WWC2: variants seen among roughly 807,000 people sequenced by gnomAD.
The protein encoded by WWC2 is protein WWC2.
In WWC2, 101 loss-of-function variants were observed where a neutral mutation model predicts 138.5. The ratio of observed to expected loss-of-function variants is 0.73; its 90% CI spans 0.62 to 0.86. WWC2 has a LOEUF of 0.86. WWC2 is among the 40% of genes least tolerant of loss of function. The pLI, the probability that WWC2 is intolerant of heterozygous loss-of-function variation, is 0.00. For synonymous variants in WWC2, 558 were observed against 538.4 expected (o/e 1.04, Z -0.50); for missense variants, 1,420 against 1,419.4 (o/e 1.00, Z -0.01).
At chr4:183,156,207 G>T (rs1200316199) in intron 1 of WWC2, among the ~76,000 whole-genome samples, 1 of 151,968 alleles carries the variant, frequency 6.6e-6, no homozygotes, top group Non-Finnish European at 1.5e-5. Context: ...TGTATTTTTA[G>T]TAGAGATGGG....
chr4:183,254,743 G>A (rs1737085005), intron 9 of WWC2, among the ~76,000 whole-genome samples: 1 of 152,176 alleles, frequency 6.6e-6, no homozygotes, highest in African/African-American at 2.4e-5. Context: ...ACGACCGCAT[G>A]TACATCCTTT....
chr4:183,156,178 A>G (rs1733798779), intron 1 of WWC2, among the ~76,000 whole-genome samples: 1 of 151,520 alleles, frequency 6.6e-6, no homozygotes, highest in Admixed American at 6.6e-5. Context: ...AGGTGCCGCT[A>G]CCACACCTGG....
At chr4:183,234,783 T>C (rs1011804878) in intron 4 of WWC2, among the ~76,000 whole-genome samples, 31 of 152,324 alleles carry the variant, frequency 2.0e-4, no homozygotes, top group African/African-American at 6.5e-4. Flanking sequence ...AAAGCACTTA[T>C]GAACTTAGCT....
intron 1 of WWC2, among the ~76,000 whole-genome samples, chr4:183,148,593 A>G (rs1733540886): frequency 1.3e-5 from 2 of 152,160 alleles, no homozygotes; most frequent in Admixed American, 6.5e-5. Context: ...AAATGACATA[A>G]ATAGGCTCAG....
At chr4:183,259,550 C>A in intron 9 of WWC2, 89 bp from the exon 10 acceptor site, 1 of 1,034,366 alleles carries the variant, frequency 9.7e-7, no homozygotes, top group Non-Finnish European at 1.4e-6. Flanking sequence ...CCCTTGTGAT[C>A]TGTAATGTTT....
rs756078448 is a variant in WWC2 at position 183,245,504 on chromosome 4, G to A, written c.691G>A (p.Ala231Thr). Residue 231 changes from alanine (A) to threonine (T), a missense_variant, in exon 6 of 23, where the codon GCA becomes ACA. Coordinates refer to ENST00000403733, the MANE Select transcript of WWC2 (RefSeq NM_024949.6). ...AACAGAACTAAAATCTATCAGAAAG[G>A]CAATTAGCTCAGGAGAAAAAGAAAA... ...ILTELKSIRK[A>T]ISSGEKEKQD... 6.2e-7 allele frequency: 1 copy of A among 1,606,556 alleles called. No individual in the cohort carries two copies. The highest frequency in any genetic ancestry group is 2.3e-5 in the East Asian group (1 of 44,138).
At position 183,268,429 on chromosome 4, in the gene WWC2, T is replaced by C. The variant is rs1038689740; in HGVS notation, c.2208-542T>C. ...AATTTGGAGATGCTAGACAGTGATA[T>C]TTTTGAACCGTTGTTTCATCTGTTT... On this transcript the variant is annotated intron_variant, in intron 14 of 22. Transcript: ENST00000403733. 2.8e-4 allele frequency among the ~76,000 whole-genome samples: 43 copies of C among 152,240 alleles called. 1 individual carries two copies. The highest frequency in any genetic ancestry group is 1.0e-3 in the African/African-American group (43 of 41,470).
intron 22 of WWC2, among the ~76,000 whole-genome samples, chr4:183,313,172 G>A (rs1739320155): frequency 6.6e-6 from 1 of 152,186 alleles, no homozygotes; most frequent in South Asian, 2.1e-4. Flanking sequence ...AGAAGTCAGT[G>A]CCAAGCTCTG....
rs531069887 is a variant in WWC2 at position 183,239,324 on chromosome 4, C to A, written c.523-859C>A. ...GCAAGACTCTGTCTCAAAAAAAAAA[C>A]AAACAAACAACAGAAAAAAACTTAA... On this transcript the variant is annotated intron_variant, in intron 4 of 22. Coordinates refer to ENST00000403733, the MANE Select transcript of WWC2 (RefSeq NM_024949.6). Among the ~76,000 whole-genome samples the A allele has an allele frequency of 4.3e-3, 657 of 151,470 alleles. 6 individuals carry two copies. The highest frequency in any genetic ancestry group is 0.015 in the African/African-American group (606 of 41,358).
At position 183,253,937 on chromosome 4, in the gene WWC2, G is replaced by A. The variant is rs780920587; in HGVS notation, c.1134G>A (p.Arg378=). The change falls in exon 9 of 23, where the codon AGG becomes AGA. Residue 378 remains arginine, a synonymous_variant. Transcript: ENST00000403733. ...QDELERLEAE[R]QRLEEELLSV... ...AATTAGAACGCCTAGAAGCTGAAAG[G>A]CAGCGGCTGGAAGAAGAGTTGCTGT... 1.3e-4 allele frequency: 217 copies of A among 1,613,754 alleles called. No homozygotes were observed. Among genetic ancestry groups the A allele is most frequent in the Non-Finnish European group, 1.7e-4 (202 of 1,179,872 alleles).
chr4:183,299,577 A>G (rs1029477255), intron 21 of WWC2, among the ~76,000 whole-genome samples: 1 of 152,162 alleles, frequency 6.6e-6, no homozygotes, highest in Non-Finnish European at 1.5e-5. Context: ...TGAAAAAACA[A>G]ACTTTCCATT....
At chr4:183,275,380 C>T (rs374345212) in intron 16 of WWC2, among the ~76,000 whole-genome samples, 2 of 152,078 alleles carry the variant, frequency 1.3e-5, no homozygotes, top group Non-Finnish European at 2.9e-5. Context: ...TCCTTGTCTT[C>T]GTCCTGATCT....
rs76885137 is a variant in WWC2 at position 183,138,852 on chromosome 4, C to G, written c.131+39230C>G. Among the ~76,000 whole-genome samples the G allele has an allele frequency of 5.1e-3, 780 of 152,214 alleles. 5 individuals carry two copies. The highest frequency in any genetic ancestry group is 0.018 in the African/African-American group (753 of 41,542). ...AGGATTGTTGGTCTGGCATCTAGTCCTTCATGTGGCTGGAAATACGTATGT... is the reference window on the plus strand; with the variant it reads ...AGGATTGTTGGTCTGGCATCTAGTCGTTCATGTGGCTGGAAATACGTATGT... On this transcript the variant is annotated intron_variant, in intron 1 of 22. Coordinates refer to ENST00000403733, the MANE Select transcript of WWC2 (RefSeq NM_024949.6).
At chr4:183,271,041 T>C (rs1737679264) in intron 15 of WWC2, 39 bp from the exon 16 acceptor site, 1 of 1,440,324 alleles carries the variant, frequency 6.9e-7, no homozygotes, top group Non-Finnish European at 9.2e-7. Flanking sequence ...TATTTTCTCT[T>C]CCTTATTTTT....
intron 2 of WWC2, among the ~76,000 whole-genome samples, chr4:183,198,869 A>G (rs1343113802): frequency 1.3e-5 from 2 of 151,500 alleles, no homozygotes; most frequent in Non-Finnish European, 2.9e-5. Flanking sequence ...ACTGCTTTCA[A>G]AATGAGTTTC....
chr4:183,139,258 G>C (rs72695792), intron 1 of WWC2, among the ~76,000 whole-genome samples: 6,429 of 152,256 alleles, frequency 0.042, 166 homozygotes, highest in African/African-American at 0.069. Flanking sequence ...AATGAGGACA[G>C]TCACTTCCTT....
At chr4:183,124,414 G>A (rs1732693636) in intron 1 of WWC2, among the ~76,000 whole-genome samples, 1 of 149,584 alleles carries the variant, frequency 6.7e-6, no homozygotes. Flanking sequence ...CAGTTATTTG[G>A]GTATTTTTTT....
chr4:183,205,323 G>A (rs538388008), intron 2 of WWC2, among the ~76,000 whole-genome samples: 104 of 152,294 alleles, frequency 6.8e-4, no homozygotes, highest in African/African-American at 2.3e-3. Context: ...GTGATGTTGA[G>A]TCTCCTTTCA....
intron 4 of WWC2, among the ~76,000 whole-genome samples, chr4:183,237,311 T>C (rs568780821): frequency 1.1e-4 from 17 of 152,304 alleles, no homozygotes; most frequent in Admixed American, 8.5e-4. Flanking sequence ...TTTTTTTTTT[T>C]TCAAAAGATA....
Sources: allele counts gnomAD v4.1 joint callset (sites outside exome capture counted in the v4.1 genomes callset), GRCh38; gene constraint gnomAD v4.1.1; transcripts MANE v1.5; gene names NCBI Gene and HGNC (gene_info 2026-07-23, HGNC 2026-07-21).